ITPKB: variants seen among roughly 807,000 people sequenced by gnomAD.
ITPKB encodes the protein IP3 3-kinase B.
A neutral mutation model predicts 69.4 loss-of-function variants in ITPKB; 13 were observed. The observed-to-expected ratio is 0.19, with a 90% CI of 0.12 to 0.30. The LOEUF is 0.30. Among genes scored for constraint, ITPKB ranks in the 10% least tolerant of loss-of-function variants. The pLI is 1.00. For missense variants in ITPKB, 1,240 were observed against 1,250.5 expected, an observed-to-expected ratio of 0.99 and a Z score of 0.13; for synonymous variants, 584 against 513.7, an observed-to-expected ratio of 1.14 and a Z score of -1.85.
At chr1:226,732,228 T>C (rs989597247) in intron 2 of ITPKB, among the ~76,000 whole-genome samples, 1 of 151,548 alleles carries the variant, frequency 6.6e-6, no homozygotes, top group Non-Finnish European at 1.5e-5. Context: ...TAGGCCAGTG[T>C]TTTTTGTTTT....
At position 226,654,145 on chromosome 1, in the gene ITPKB, T is replaced by A. The variant is rs138522186; in HGVS notation, c.1933-5374A>T. 1.4e-4 allele frequency among the ~76,000 whole-genome samples: 21 copies of A among 152,264 alleles called. No individual in the cohort carries two copies. The East Asian group carries it at 4.0e-3, about 29-fold the overall frequency. On this transcript the variant is annotated intron_variant, in intron 2 of 7. Coordinates refer to ENST00000429204, the MANE Select transcript of ITPKB (RefSeq NM_002221.4). ...GAAACTCAAGAGAGGCCTGGAGACC[T>A]CTGGTGTGGTTTTGTCCCCTGGCAC...
chr1:226,726,256 C>T (rs781088120), intron 2 of ITPKB, among the ~76,000 whole-genome samples: 1 of 152,210 alleles, frequency 6.6e-6, no homozygotes, highest in African/African-American at 2.4e-5. Flanking sequence ...AAAAAACATT[C>T]TCAGAGGAGG....
chr1:226,676,200 G>A (rs774377355), intron 2 of ITPKB: 23 of 152,254 alleles, frequency 1.5e-4, no homozygotes, highest in Non-Finnish European at 2.9e-4. Context: ...TACCTGCAAG[G>A]TAATTCATAC....
intron 2 of ITPKB, among the ~76,000 whole-genome samples, chr1:226,692,072 G>A (rs1239878101): frequency 1.3e-5 from 2 of 152,202 alleles, no homozygotes; most frequent in Non-Finnish European, 2.9e-5. Flanking sequence ...TATTTATCAA[G>A]GGCCTACTAC....
chr1:226,664,687 C>T (rs951489843), intron 2 of ITPKB, among the ~76,000 whole-genome samples: 10 of 152,122 alleles, frequency 6.6e-5, no homozygotes, highest in African/African-American at 2.4e-4. Flanking sequence ...AGTGAAGTCA[C>T]CAAGGAAAAA....
intron 2 of ITPKB, among the ~76,000 whole-genome samples, chr1:226,693,834 T>TC (rs1656414997): frequency 6.6e-6 from 1 of 152,170 alleles, no homozygotes; most frequent in Admixed American, 6.5e-5. Context: ...CTCAAAAAGC[T>TC]CCACATCAAC....
At chr1:226,698,062 C>T (rs1273495323) in intron 2 of ITPKB, among the ~76,000 whole-genome samples, 1 of 152,222 alleles carries the variant, frequency 6.6e-6, no homozygotes, top group Non-Finnish European at 1.5e-5. Context: ...TCTGCCCAAC[C>T]GGTTCAAATC....
At chr1:226,668,747 G>A (rs902474027) in intron 2 of ITPKB, 3 of 152,200 alleles carry the variant, frequency 2.0e-5, no homozygotes, top group Non-Finnish European at 4.4e-5. Flanking sequence ...AGTGCTCTGC[G>A]ACCAGCTTTG....
chr1:226,642,093 C>G lies in ITPKB; in HGVS notation c.2279G>C (p.Arg760Pro), dbSNP rs200031424. Residue 760 changes from arginine to proline, a missense_variant, in exon 5 of 8, where the codon CGG becomes CCG. By Grantham distance (103) the Arg-to-Pro change is moderately radical. Transcript: ENST00000429204. The surrounding 1 kb of genome is among the most constrained non-coding windows in gnomAD (Gnocchi z 6.4). ...GTCCTTCCGCAGGCTGGGCTTCTTC[C>G]GGGCCTTCGTGAGCTCCTCCTCCAG... ...TYLEEELTKA[R>P]KKPSLRKDMY... 1 of 1,614,076 alleles carries G rather than the reference C, an allele frequency of 6.2e-7. No homozygotes were observed.
intron 2 of ITPKB, among the ~76,000 whole-genome samples, chr1:226,705,841 G>T (rs921127223): frequency 6.6e-6 from 1 of 152,220 alleles, no homozygotes; most frequent in Non-Finnish European, 1.5e-5. Context: ...TGTCAGGCAG[G>T]TCATTTGAGG....
chr1:226,665,277 G>A (rs1031576970), intron 2 of ITPKB, among the ~76,000 whole-genome samples: 14 of 152,310 alleles, frequency 9.2e-5, no homozygotes, highest in African/African-American at 3.4e-4. Context: ...AGTTTGAGCC[G>A]CTGGATTTAG....
rs1355937500 is a variant in ITPKB at position 226,718,667 on chromosome 1, ATAC to A, written c.1932+16857_1932+16859del. ...CAATGAGATGGCCTTGCATACCTGC[ATAC>A]CTACCAGAGTGGCTAAAATAAAAGT... On this transcript the variant is annotated intron_variant, in intron 2 of 7. Transcript: ENST00000429204. Among the ~76,000 whole-genome samples, 32 of 152,334 alleles carry A rather than the reference ATAC, an allele frequency of 2.1e-4. No homozygotes were observed. In the East Asian group the frequency reaches 5.6e-3, roughly 27 times the overall value.
At chr1:226,660,349 C>T (rs908468434) in intron 2 of ITPKB, among the ~76,000 whole-genome samples, 1 of 152,218 alleles carries the variant, frequency 6.6e-6, no homozygotes, top group African/African-American at 2.4e-5. Flanking sequence ...TTCCCTCATC[C>T]ACACTCTATA....
Position 226,637,775 on chromosome 1 carries a change from T to A in ITPKB, c.2554-25A>T. 1 of 1,586,630 alleles carries A rather than the reference T, an allele frequency of 6.3e-7. No homozygotes were observed. The highest frequency in any genetic ancestry group is 8.6e-7 in the Non-Finnish European group (1 of 1,156,120). On this transcript the variant is annotated intron_variant, in intron 6 of 7. Coordinates refer to ENST00000429204, the MANE Select transcript of ITPKB (RefSeq NM_002221.4). This position sits in a 1 kb window ranked among gnomAD's most constrained non-coding sequence, Gnocchi z 4.3. ...TCTGGGAATAGAAAGAGGACCAGAT[T>A]TTTAAGCGCCGCGTGGGGAAGGGCA...
At chr1:226,673,743 C>T (rs1033809873) in intron 2 of ITPKB, among the ~76,000 whole-genome samples, 15 of 152,190 alleles carry the variant, frequency 9.9e-5, no homozygotes, top group Admixed American at 7.9e-4. Flanking sequence ...CACTTCTTGG[C>T]CTTTCGGCTT....
In ITPKB at chr1:226,642,185, C is replaced by T. The variant is rs1668976560; in HGVS notation, c.2247-60G>A. On this transcript the variant is annotated intron_variant, in intron 4 of 7. Coordinates refer to ENST00000429204, the MANE Select transcript of ITPKB (RefSeq NM_002221.4). The surrounding 1 kb of genome is among the most constrained non-coding windows in gnomAD (Gnocchi z 6.4). Reference sequence around the variant, plus strand: ...CCTGGGGCAGGGCTCACCAGCAGCTCCTTTCCTGCCTGGTGGATGAAGGTT... The same window carrying T: ...CCTGGGGCAGGGCTCACCAGCAGCTTCTTTCCTGCCTGGTGGATGAAGGTT... The T allele has an allele frequency of 1.5e-6, 2 of 1,368,262 alleles. No individual in the cohort carries two copies. The allele number at this position is 1,368,262 out of a possible 1,614,324, so 84.8% of individuals were successfully genotyped here. A position where few individuals can be genotyped will look rare whatever the true frequency, so the allele number is the denominator to read the frequency against.
In ITPKB at chr1:226,736,394, G is replaced by C; in HGVS notation, c.1065C>G (p.Ser355Arg). The change falls in exon 2 of 8, where the codon AGC becomes AGG. Residue 355 changes from serine (S) to arginine (R), a missense_variant. Transcript: ENST00000429204. ...RQGQFLGSET[S>R]PAPERGGPRD... ...GGGGCCCGCCCCTTTCTGGGGCTGG[G>C]CTTGTCTCACTGCCCAGAAACTGCC... 1 of 1,612,448 alleles carries C rather than the reference G, an allele frequency of 6.2e-7. No homozygotes were observed. The highest frequency in any genetic ancestry group is 8.5e-7 in the Non-Finnish European group (1 of 1,179,980).
At chr1:226,655,590 T>C (rs2102752182) in intron 2 of ITPKB, among the ~76,000 whole-genome samples, 1 of 152,352 alleles carries the variant, frequency 6.6e-6, no homozygotes, top group East Asian at 1.9e-4. Flanking sequence ...TGCATGTTGT[T>C]CAGAGTCTGG....
chr1:226,709,491 G>T (rs1656889268), intron 2 of ITPKB, among the ~76,000 whole-genome samples: 1 of 152,192 alleles, frequency 6.6e-6, no homozygotes, highest in South Asian at 2.1e-4. Flanking sequence ...ATGTATGGGT[G>T]GGGTGGGTGT....
Sources: gnomAD v4.1 joint callset for allele counts (sites outside exome capture counted in the v4.1 genomes callset) on GRCh38, gnomAD v4.1.1 for gene constraint, Gnocchi (gnomAD v3.1) non-coding constraint, MANE v1.5 for transcripts, NCBI Gene and HGNC (gene_info 2026-07-23, HGNC 2026-07-21) for gene names.